CRB1: variants seen among roughly 807,000 people sequenced by gnomAD.
The protein encoded by CRB1 is crumbs cell polarity complex component 1, also known as protein crumbs homolog 1.
A neutral mutation model predicts 120.0 loss-of-function variants in CRB1; 83 were observed. The ratio of observed to expected loss-of-function variants is 0.69; its 90% CI spans 0.58 to 0.83. The LOEUF is 0.83. Ranked by LOEUF, CRB1 falls within the 40% of genes least tolerant of loss-of-function variation. The pLI, the probability that CRB1 is intolerant of heterozygous loss-of-function variation, is 0.00. For synonymous variants in CRB1, 625 were observed against 612.5 expected (o/e 1.02, Z -0.30); for missense variants, 1,699 against 1,687.6 (o/e 1.01, Z -0.12).
At chr1:197,414,986 T>C (rs1203280567) in intron 5 of CRB1, among the ~76,000 whole-genome samples, 1 of 152,216 alleles carries the variant, frequency 6.6e-6, no homozygotes, top group African/African-American at 2.4e-5. Flanking sequence ...TAATACAGGC[T>C]TTCTCTCCTT....
chr1:197,206,265 G>C, the CRB1 span, among the ~76,000 whole-genome samples: 2 of 148,998 alleles, frequency 1.3e-5, no homozygotes, highest in Admixed American at 1.3e-4. Flanking sequence ...GTTCTGCTCT[G>C]ATCTTTGTTA....
At chr1:197,472,042 A>T (rs146065288) in intron 11 of CRB1, among the ~76,000 whole-genome samples, 1 of 152,236 alleles carries the variant, frequency 6.6e-6, no homozygotes, top group Non-Finnish European at 1.5e-5. Context: ...ATGTGTTTAA[A>T]ATAATTTTTC....
chr1:197,376,101 T>C (rs975022667), intron 5 of CRB1, among the ~76,000 whole-genome samples: 1 of 152,222 alleles, frequency 6.6e-6, no homozygotes, highest in Non-Finnish European at 1.5e-5. Flanking sequence ...TCTTGTTCAC[T>C]ATCATTCTAT....
At chr1:197,241,660 C>G in the CRB1 span, among the ~76,000 whole-genome samples, 1 of 148,882 alleles carries the variant, frequency 6.7e-6, no homozygotes, top group African/African-American at 2.5e-5. Context: ...GTTCTTTTTG[C>G]TTAGGATTGT....
rs768501854 is a variant in CRB1 at position 197,434,677 on chromosome 1, TATTG to T, written c.2843-25_2843-22del. ...AAGCAAACTATAGATTTAATAAAGT[TATTG>T]ATTATTATCACCTTCTCTCATTAGG... is the stretch of plus-strand genomic sequence containing the variant. On this transcript the variant is annotated intron_variant, in intron 8 of 11. Coordinates refer to ENST00000367400, the MANE Select transcript of CRB1 (RefSeq NM_201253.3). The T allele has an allele frequency of 8.2e-6, 13 of 1,580,744 alleles. No homozygotes were observed. In the Admixed American group the frequency reaches 1.7e-4, roughly 20 times the overall value.
chr1:197,371,765 A>G (rs1661382476), intron 5 of CRB1, among the ~76,000 whole-genome samples: 1 of 152,176 alleles, frequency 6.6e-6, no homozygotes, highest in South Asian at 2.1e-4. Flanking sequence ...TTTTGTCGCA[A>G]CTGATGAACA....
intron 1 of CRB1, among the ~76,000 whole-genome samples, chr1:197,327,927 G>A (rs1302561937): frequency 6.6e-6 from 1 of 152,088 alleles, no homozygotes; most frequent in Non-Finnish European, 1.5e-5. Flanking sequence ...AAGGAAAAGA[G>A]GGAAAACAAA....
At chr1:197,266,840 CA>C (rs1654654619), upstream of CRB1, among the ~76,000 whole-genome samples, 1 of 152,034 alleles carries the variant, frequency 6.6e-6, no homozygotes, top group Admixed American at 6.6e-5. Context: ...TGAGTCTATT[CA>C]TTTTTTTTTC....
rs573030224 is a variant in CRB1 at position 197,338,038 on chromosome 1, T to G, written c.653-6243T>G. ...TGATGTATTTAACATAAAATGAGAA[T>G]GTTGTAATTTTTCTATAATCTTTCA... is the stretch of plus-strand genomic sequence containing the variant. On this transcript the variant is annotated intron_variant, in intron 2 of 11. Transcript: ENST00000367400. Among the ~76,000 whole-genome samples the G allele has an allele frequency of 1.3e-4, 20 of 151,976 alleles. No homozygotes were observed. In the South Asian group the frequency reaches 4.2e-3, roughly 32 times the overall value.
chr1:197,251,789 TG>T, the CRB1 span, among the ~76,000 whole-genome samples: 23 of 151,978 alleles, frequency 1.5e-4, no homozygotes, highest in African/African-American at 5.6e-4. Context: ...CATGTGCATG[TG>T]GAGGGTGTAT....
At chr1:197,336,917 A>G (rs1195180122) in intron 2 of CRB1, among the ~76,000 whole-genome samples, 1 of 152,222 alleles carries the variant, frequency 6.6e-6, no homozygotes, top group Non-Finnish European at 1.5e-5. Flanking sequence ...CAGAATGTAA[A>G]ACTGAAACTT....
rs1439828090 is a variant in CRB1 at position 197,425,746 on chromosome 1, G to A, written c.2129-1708G>A. On this transcript the variant is annotated intron_variant, in intron 6 of 11. Transcript: ENST00000367400. ...TCCTCTTATCTTACTGGCTACTCTTGCATCATTTCCTTTACCTCTACTTGT... is the reference window on the plus strand; with the variant it reads ...TCCTCTTATCTTACTGGCTACTCTTACATCATTTCCTTTACCTCTACTTGT... 5.3e-5 allele frequency among the ~76,000 whole-genome samples: 8 copies of A among 152,064 alleles called. No individual in the cohort carries two copies. In the East Asian group the frequency reaches 1.6e-3, roughly 29 times the overall value.
chr1:197,454,332 G>T (rs1249108608), intron 11 of CRB1, among the ~76,000 whole-genome samples: 2 of 151,992 alleles, frequency 1.3e-5, no homozygotes, highest in African/African-American at 4.8e-5. Context: ...AATAAAATAA[G>T]AAATTGTTCA....
chr1:197,288,393 C>G (rs1655961607), intron 1 of CRB1, among the ~76,000 whole-genome samples: 1 of 151,938 alleles, frequency 6.6e-6, no homozygotes, highest in Middle Eastern at 3.4e-3. Context: ...TCTTGTGCTG[C>G]TTAACAAATC....
intron 1 of CRB1, among the ~76,000 whole-genome samples, chr1:197,312,509 G>C (rs1657593486): frequency 6.6e-6 from 1 of 152,228 alleles, no homozygotes; most frequent in African/African-American, 2.4e-5. Flanking sequence ...CTGAACCCAG[G>C]ATGGGGAGGT....
intron 5 of CRB1, among the ~76,000 whole-genome samples, chr1:197,399,241 T>G (rs911787193): frequency 1.3e-5 from 2 of 152,158 alleles, no homozygotes; most frequent in African/African-American, 4.8e-5. Context: ...CTCTAATGAA[T>G]GTAGCATTTA....
At chr1:197,326,632 AAATAAT>A (rs530759730) in intron 1 of CRB1, among the ~76,000 whole-genome samples, 5 of 151,788 alleles carry the variant, frequency 3.3e-5, no homozygotes, top group African/African-American at 1.2e-4. Flanking sequence ...CTCTGTCTCA[AAATAAT>A]AATAATAATA....
chr1:197,262,854 G>A, the CRB1 span, among the ~76,000 whole-genome samples: 17 of 152,226 alleles, frequency 1.1e-4, no homozygotes, highest in African/African-American at 2.2e-4. Flanking sequence ...TGCAAAGGAC[G>A]CGATTTTGTT....
chr1:197,470,721 A>G (rs908102412), intron 11 of CRB1, among the ~76,000 whole-genome samples: 11 of 152,366 alleles, frequency 7.2e-5, no homozygotes, highest in African/African-American at 2.6e-4. Context: ...GTTGTGAATT[A>G]TCAGGGCTTT....
Sources: gnomAD v4.1 joint callset for allele counts (sites outside exome capture counted in the v4.1 genomes callset) on GRCh38, gnomAD v4.1.1 for gene constraint, MANE v1.5 for transcripts, NCBI Gene and HGNC (gene_info 2026-07-23, HGNC 2026-07-21) for gene names.